NEK9: variants seen among roughly 807,000 people sequenced by gnomAD.
NEK9 encodes NIMA related kinase 9.
NEK9 carries 75 observed loss-of-function variants against 123.4 expected under a neutral mutation model. The ratio of observed to expected loss-of-function variants is 0.61; its 90% CI spans 0.50 to 0.74. The LOEUF (loss-of-function observed/expected upper bound fraction) is 0.74. Ranked by LOEUF, NEK9 falls within the 30% of genes least tolerant of loss-of-function variation. NEK9 has a pLI of 0.00. For missense variants in NEK9, 952 were observed against 1,214.4 expected, an observed-to-expected ratio of 0.78 and a Z score of 3.21; for synonymous variants, 438 against 458.7, an observed-to-expected ratio of 0.95 and a Z score of 0.58.
chr14:75,126,830 C>T lies in NEK9; in HGVS notation c.92G>A (p.Gly31Glu). Residue 31 changes from glycine to glutamate, a missense_variant, in exon 1 of 22, where the codon GGG becomes GAG. Transcript: ENST00000238616. ...ESGGCGDSSP[G>E]PSASQGPRAG... ...TCGCGGCCCCTGACTGGCGCTAGGC[C>T]CCGGACTCGAGTCCCCGCAACCCCC... 1.3e-6 allele frequency: 2 copies of T among 1,534,130 alleles called. No homozygotes were observed. Among genetic ancestry groups the T allele is most frequent in the East Asian group, 2.6e-5 (1 of 38,566 alleles).
At chr14:75,122,085 A>T (rs1895356809) in intron 2 of NEK9, among the ~76,000 whole-genome samples, 1 of 152,200 alleles carries the variant, frequency 6.6e-6, no homozygotes, top group African/African-American at 2.4e-5. Context: ...ACAGACTGCA[A>T]GTAATCATGG....
chr14:75,109,590 T>G (rs1347163958), intron 10 of NEK9, 95 bp downstream of exon 10: 1 of 1,142,080 alleles, frequency 8.8e-7, no homozygotes, highest in African/African-American at 1.6e-5. Context: ...GCCACTCCCT[T>G]AGTATAGGTT....
rs1358421460 is a variant in NEK9, at chr14:75,087,159, G to A, written c.2676C>T (p.Cys892=). The A allele has an allele frequency of 4.3e-6, 7 of 1,614,016 alleles. No homozygotes were observed. The highest frequency in any genetic ancestry group is 5.9e-6 in the Non-Finnish European group (7 of 1,180,038). Residue 892 remains cysteine, a synonymous_variant, in exon 21 of 22, where the codon TGC becomes TGT. Transcript: ENST00000238616. ...GTPLTPPACA[C]SSLQVEVERL... is the part of the protein sequence containing the mutation. Reference sequence around the variant, plus strand: ...TCTCAACCTCCACCTGCAGAGAGCTGCACGCACACGCAGGAGGAGTCAGTG... The same window carrying A: ...TCTCAACCTCCACCTGCAGAGAGCTACACGCACACGCAGGAGGAGTCAGTG...
chr14:75,098,341 C>G (rs1894457181), intron 16 of NEK9, among the ~76,000 whole-genome samples: 1 of 151,996 alleles, frequency 6.6e-6, no homozygotes, highest in Admixed American at 6.6e-5. Flanking sequence ...AACAGGGTGG[C>G]TATTAATCAT....
At chr14:75,113,844 G>A (rs1295434222) in intron 7 of NEK9, among the ~76,000 whole-genome samples, 1 of 152,064 alleles carries the variant, frequency 6.6e-6, no homozygotes, top group Non-Finnish European at 1.5e-5. Flanking sequence ...ACACAGCAAG[G>A]GAACCATGAG....
chr14:75,107,304 C>G (rs563422280), intron 11 of NEK9, 39 bp downstream of exon 11: 2 of 1,597,560 alleles, frequency 1.3e-6, no homozygotes, highest in East Asian at 4.5e-5. Context: ...AATACCCCCA[C>G]ATTAAATGCA....
At chr14:75,108,524 T>C (rs4026179) in intron 10 of NEK9, among the ~76,000 whole-genome samples, 1 of 54,294 alleles carries the variant, frequency 1.8e-5, no homozygotes, top group African/African-American at 5.6e-5. Flanking sequence ...CGTGTGTGTG[T>C]GTGTGTGTGT....
rs768701919 is a variant in NEK9 at position 75,080,181 on chromosome 14, T to A, written c.*4383A>T. ...CCCGTCTCTACTAAAAATACAAAAA[T>A]TAGCTGGGCGTGGTGGCGCACACCT... On this transcript the variant is annotated 3_prime_UTR_variant, in exon 22 of 22. Transcript: ENST00000238616. 1 of 151,816 alleles carries A rather than the reference T, an allele frequency of 6.6e-6. No homozygotes were observed. The highest frequency in any genetic ancestry group is 1.9e-4 in the East Asian group (1 of 5,148). 9.4% of individuals were successfully genotyped at this position (151,816 alleles called of 1,614,324 possible).
rs753732038 is a variant in NEK9, at chr14:75,106,573, G to A, written c.1457C>T (p.Ser486Phe). ...FFLSNPVEQV[S>F]CGDNHVVVLT... ...AACCACCACATGATTATCTCCACAG[G>A]AGACCTGCTCCACTGGATTGCTGAG... Residue 486 changes from serine (S) to phenylalanine (F), a missense_variant, in exon 12 of 22, where the codon TCC becomes TTC. By Grantham distance (155) the Ser-to-Phe change is radical. Around this residue, in one of 4 missense-constraint regions of NEK9, gnomAD observed 698 missense variants for 875.6 expected, o/e 0.80. Transcript: ENST00000238616. The A allele has an allele frequency of 6.2e-7, 1 of 1,614,008 alleles. No homozygotes were observed. Among genetic ancestry groups the A allele is most frequent in the Non-Finnish European group, 8.5e-7 (1 of 1,179,992 alleles).
In NEK9 at chr14:75,107,426, CG is replaced by C. The variant is rs772864402; in HGVS notation, c.1243del (p.Arg415AspfsTer27). The part of the protein sequence containing the change: ...QLGHGDKASY[R>X]QPKHVEKLQG... ...CAACTTTTCCACATGCTTTGGCTGTCGATAGGAGGCTTTGTCTCCATGGCCC... is the reference window on the plus strand; with the variant it reads ...CAACTTTTCCACATGCTTTGGCTGTCATAGGAGGCTTTGTCTCCATGGCCC... On this transcript the variant is annotated frameshift_variant, in exon 11 of 22. Transcript: ENST00000238616. LOFTEE classifies it high-confidence loss of function. 1.2e-6 allele frequency: 2 copies of C among 1,613,770 alleles called. No homozygotes were observed.
At chr14:75,115,008 TAC>T (rs1231219764) in intron 6 of NEK9, among the ~76,000 whole-genome samples, 25 of 151,424 alleles carry the variant, frequency 1.7e-4, no homozygotes, top group African/African-American at 4.8e-4. Flanking sequence ...CACATACATA[TAC>T]ACACACATAT....
At chr14:75,106,469 TGAA>T (rs770916265) in intron 12 of NEK9, 30 bp downstream of exon 12, 2 of 1,610,842 alleles carry the variant, frequency 1.2e-6, no homozygotes, top group South Asian at 2.2e-5. Flanking sequence ...TGTATACCTG[TGAA>T]GAAGTGGACA....
chr14:75,098,127 T>C (rs1423563947), intron 16 of NEK9, among the ~76,000 whole-genome samples: 1 of 152,060 alleles, frequency 6.6e-6, no homozygotes, highest in Non-Finnish European at 1.5e-5. Context: ...GTAGTGGAGA[T>C]GGTGAGAAGT....
chr14:75,091,709 C>T, intron 18 of NEK9: 1 of 409,282 alleles, frequency 2.4e-6, no homozygotes, highest in East Asian at 3.9e-5. Context: ...AATTCACTTC[C>T]ATTTACCAAC....
At position 75,094,915 on chromosome 14, in the gene NEK9, T is replaced by G. The variant is rs113061891; in HGVS notation, c.2233+457A>C. 6.0e-3 allele frequency among the ~76,000 whole-genome samples: 915 copies of G among 152,280 alleles called. 8 individuals carry two copies. Among genetic ancestry groups the G allele is most frequent in the African/African-American group, 0.021 (881 of 41,554 alleles). On this transcript the variant is annotated intron_variant, in intron 18 of 21. Transcript: ENST00000238616. The stretch of plus-strand genomic sequence containing the variant: ...CATGGTCCCCAATAATAGAGAACCA[T>G]GAAGACAGCAGTCAAAGGAAATCTA...
chr14:75,102,805 T>G (rs1284600546), intron 14 of NEK9, among the ~76,000 whole-genome samples: 1 of 152,330 alleles, frequency 6.6e-6, no homozygotes, highest in East Asian at 1.9e-4. Flanking sequence ...TTAATTTTAT[T>G]CTTTGGAAAA....
At position 75,126,874 on chromosome 14, in the gene NEK9, C is replaced by T. The variant is rs1195514974; in HGVS notation, c.48G>A (p.Ser16=). ...EYERHCDSIN[S]DFGSESGGCG... is the part of the protein sequence containing the mutation. ...AACCCCCGGACTCGCTCCCAAAGTCCGAGTTGATGGAATCGCAGTGTCGCT... is the reference window on the plus strand; with the variant it reads ...AACCCCCGGACTCGCTCCCAAAGTCTGAGTTGATGGAATCGCAGTGTCGCT... The change falls in exon 1 of 22, where the codon TCG becomes TCA. Residue 16 remains serine, a synonymous_variant. Coordinates refer to ENST00000238616, the MANE Select transcript of NEK9 (RefSeq NM_033116.6). The T allele has an allele frequency of 1.0e-5, 16 of 1,526,198 alleles. No individual in the cohort carries two copies. Among genetic ancestry groups the T allele is most frequent in the Non-Finnish European group, 1.3e-5 (15 of 1,136,430 alleles). 94.5% of individuals were successfully genotyped at this position (1,526,198 alleles called of 1,614,324 possible).
intron 5 of NEK9, among the ~76,000 whole-genome samples, chr14:75,118,354 T>C (rs1895209293): frequency 6.6e-6 from 1 of 152,228 alleles, no homozygotes; most frequent in Non-Finnish European, 1.5e-5. Context: ...TCTTTACCAA[T>C]GATCTTTCTC....
chr14:75,088,434 G>A, intron 20 of NEK9, 46 bp downstream of exon 20: 1 of 1,591,282 alleles, frequency 6.3e-7, no homozygotes. Context: ...AGAGCTTGCA[G>A]TGACTGTTTA....
Sources: gnomAD v4.1 joint callset for allele counts (sites outside exome capture counted in the v4.1 genomes callset) on GRCh38, gnomAD v4.1.1 for gene constraint, gnomAD v4.1.1 regional missense constraint, MANE v1.5 for transcripts, NCBI Gene and HGNC (gene_info 2026-07-23, HGNC 2026-07-21) for gene names.